CDH13: variants seen among roughly 807,000 people sequenced by gnomAD.
The protein encoded by CDH13 is cadherin-13.
CDH13 carries 24 observed loss-of-function variants against 63.8 expected under a neutral mutation model. That is an observed-to-expected ratio of 0.38 (90% confidence interval 0.27 to 0.53). The LOEUF is 0.53. CDH13 is among the 20% of genes least tolerant of loss of function. The probability of loss-of-function intolerance (pLI) is 0.85; values close to 1 mark genes in which losing one functional copy is unlikely to be tolerated. For synonymous variants in CDH13, 503 were observed against 355.3 expected, an observed-to-expected ratio of 1.42 and a Z score of -4.67; for missense variants, 1,049 against 903.1, an observed-to-expected ratio of 1.16 and a Z score of -2.07.
intron 4 of CDH13, among the ~76,000 whole-genome samples, chr16:83,189,630 A>G (rs931408934): frequency 4.6e-5 from 7 of 151,956 alleles, no homozygotes; most frequent in Non-Finnish European, 4.4e-5. Flanking sequence ...TGCACTTTGT[A>G]CTCTCCCTTT....
At chr16:83,711,705 C>A (rs549561184) in intron 10 of CDH13, among the ~76,000 whole-genome samples, 1 of 152,014 alleles carries the variant, frequency 6.6e-6, no homozygotes, top group African/African-American at 2.4e-5. Flanking sequence ...TTAGTAGAGA[C>A]GGGATTTCAC....
At chr16:83,653,769 T>C (rs1358520369) in intron 8 of CDH13, among the ~76,000 whole-genome samples, 2 of 152,222 alleles carry the variant, frequency 1.3e-5, no homozygotes, top group Non-Finnish European at 2.9e-5. Context: ...TGATTATTTA[T>C]GTATCTATGT....
At chr16:83,657,728 G>C (rs1198738089) in intron 8 of CDH13, among the ~76,000 whole-genome samples, 1 of 152,190 alleles carries the variant, frequency 6.6e-6, no homozygotes, top group East Asian at 1.9e-4. Flanking sequence ...GCATTTGCTT[G>C]CTTAGCAATA....
At chr16:83,574,702 G>A (rs1012128088) in intron 7 of CDH13, among the ~76,000 whole-genome samples, 9 of 152,254 alleles carry the variant, frequency 5.9e-5, no homozygotes, top group Admixed American at 3.3e-4. Context: ...TTCAGTGGTA[G>A]CTTCGCGAAT....
At chr16:83,355,947 A>C (rs562900088) in intron 6 of CDH13, among the ~76,000 whole-genome samples, 2 of 152,276 alleles carry the variant, frequency 1.3e-5, no homozygotes, top group South Asian at 4.1e-4. Context: ...AGCAGTCCTT[A>C]CAAACGTTTG....
chr16:82,820,094 C>G (rs1371504966), intron 1 of CDH13, among the ~76,000 whole-genome samples: 1 of 152,112 alleles, frequency 6.6e-6, no homozygotes, highest in African/African-American at 2.4e-5. Context: ...ACCAGCATCT[C>G]TTAGCTCCTT....
At chr16:82,963,509 A>C (rs1409056603) in intron 2 of CDH13, among the ~76,000 whole-genome samples, 1 of 152,044 alleles carries the variant, frequency 6.6e-6, no homozygotes, top group Non-Finnish European at 1.5e-5. Context: ...ACTCCCCTCT[A>C]ACTCCACTTT....
At chr16:83,268,065 C>T (rs1445315079) in intron 5 of CDH13, among the ~76,000 whole-genome samples, 2 of 152,198 alleles carry the variant, frequency 1.3e-5, no homozygotes, top group Admixed American at 6.5e-5. Context: ...CTGACACACA[C>T]AGGTGTATAT....
chr16:82,808,390 C>A (rs1241235699), intron 1 of CDH13, among the ~76,000 whole-genome samples: 2 of 152,076 alleles, frequency 1.3e-5, no homozygotes, highest in African/African-American at 4.8e-5. Context: ...TGTGGAGACA[C>A]TTAGTCAAAA....
chr16:82,675,689 A>G (rs535384556), intron 1 of CDH13, among the ~76,000 whole-genome samples: 1 of 152,294 alleles, frequency 6.6e-6, no homozygotes, highest in African/African-American at 2.4e-5. Context: ...AAGCAAAGCA[A>G]AAGAACCTTC....
intron 7 of CDH13, among the ~76,000 whole-genome samples, chr16:83,593,595 T>C (rs192429068): frequency 2.0e-5 from 3 of 151,436 alleles, no homozygotes; most frequent in African/African-American, 7.2e-5. Context: ...TATGTAATAG[T>C]GTATAAACAT....
intron 3 of CDH13, among the ~76,000 whole-genome samples, chr16:83,059,789 G>GTTTTTTTTTTTTTTTTT (rs1256608391): frequency 1.0e-5 from 1 of 98,754 alleles, no homozygotes; most frequent in African/African-American, 3.8e-5. Context: ...TTTTTTTTTT[G>GTTTTTTTTTTTTTTTTT]TTTGTTTTTT....
At chr16:83,330,102 G>T (rs1369116111) in intron 5 of CDH13, among the ~76,000 whole-genome samples, 1 of 152,178 alleles carries the variant, frequency 6.6e-6, no homozygotes, top group Non-Finnish European at 1.5e-5. Flanking sequence ...AGAGATTCTT[G>T]TAGAAAATGA....
chr16:82,688,773 A>C (rs532559909), intron 1 of CDH13, among the ~76,000 whole-genome samples: 1 of 152,350 alleles, frequency 6.6e-6, no homozygotes, highest in Non-Finnish European at 1.5e-5. Context: ...TTACAAAGCA[A>C]TAAAATAAGG....
chr16:83,700,269 G>A lies in CDH13; in HGVS notation c.1538+21808G>A, dbSNP rs1364611929. 2.0e-5 allele frequency among the ~76,000 whole-genome samples: 3 copies of A among 152,200 alleles called. No individual in the cohort carries two copies. In the East Asian group the frequency reaches 5.8e-4, roughly 29 times the overall value. ...TGTCACCTGTGTCACCAGTTACACA[G>A]AGACAAAGACCTTCTGCAGAAAGAT... On this transcript the variant is annotated intron_variant, in intron 10 of 13. Coordinates refer to ENST00000567109, the MANE Select transcript of CDH13 (RefSeq NM_001257.5).
At chr16:82,711,228 T>G (rs1282217058) in intron 1 of CDH13, among the ~76,000 whole-genome samples, 2 of 152,136 alleles carry the variant, frequency 1.3e-5, no homozygotes, top group Non-Finnish European at 2.9e-5. Flanking sequence ...GATCTAACAG[T>G]GTTTATGAAA....
intron 6 of CDH13, among the ~76,000 whole-genome samples, chr16:83,475,142 A>C (rs977582455): frequency 2.0e-5 from 3 of 152,236 alleles, no homozygotes; most frequent in African/African-American, 7.2e-5. Flanking sequence ...GAATGTCAAG[A>C]GGGTGACAAC....
intron 4 of CDH13, among the ~76,000 whole-genome samples, chr16:83,148,541 A>G (rs1371138480): frequency 1.3e-5 from 2 of 152,206 alleles, no homozygotes; most frequent in Non-Finnish European, 2.9e-5. Context: ...GCCTCATTTT[A>G]TGCACCTGCA....
At chr16:82,733,369 A>G (rs557043278) in intron 1 of CDH13, among the ~76,000 whole-genome samples, 5 of 131,782 alleles carry the variant, frequency 3.8e-5, no homozygotes, top group Admixed American at 3.3e-4. Flanking sequence ...TATTTTTGCT[A>G]TGTAAAAAAA....
Sources: allele counts gnomAD v4.1 joint callset (sites outside exome capture counted in the v4.1 genomes callset), GRCh38; gene constraint gnomAD v4.1.1; transcripts MANE v1.5; gene names NCBI Gene and HGNC (gene_info 2026-07-23, HGNC 2026-07-21).